PVT1: variants seen among roughly 807,000 people sequenced by gnomAD.
The protein encoded by PVT1 is Pvt1 oncogene.
intron 3 of PVT1, among the ~76,000 whole-genome samples, chr8:127,928,523 C>A (rs2129880687): frequency 6.6e-6 from 1 of 152,190 alleles, no homozygotes; most frequent in East Asian, 1.9e-4. Context: ...AAAGTGTGAC[C>A]AAATGGACCA....
At chr8:128,026,525 A>AGTG (rs1181689307) in intron 4 of PVT1, among the ~76,000 whole-genome samples, 1 of 152,076 alleles carries the variant, frequency 6.6e-6, no homozygotes, top group East Asian at 1.9e-4. Context: ...CACGTCGAGC[A>AGTG]GTGGGTAGAA....
rs553403446 is a variant in PVT1 at position 127,918,712 on chromosome 8, A to AAGAATGTG, written n.782+27716_782+27723dup. On this transcript the variant is annotated intron_variant and non_coding_transcript_variant, in intron 3 of 10. Coordinates refer to ENST00000651587, the Ensembl canonical transcript of PVT1. ...CTTTGCAGAGAAAGCCCTAGAGAGA[A>AAGAATGTG]AGAATGTGAAGGAACAAAGGGTCAG... Among the ~76,000 whole-genome samples the AAGAATGTG allele has an allele frequency of 6.0e-4, 92 of 152,306 alleles. 2 individuals carry two copies. In the East Asian group the frequency reaches 0.015, roughly 25 times the overall value.
At chr8:127,935,182 T>C (rs1360584955) in intron 3 of PVT1, among the ~76,000 whole-genome samples, 2 of 152,152 alleles carry the variant, frequency 1.3e-5, no homozygotes, top group African/African-American at 4.8e-5. Context: ...GTCAGGCTGG[T>C]CTCGAGCTCC....
intron 4 of PVT1, among the ~76,000 whole-genome samples, chr8:128,026,029 G>T (rs1391524553): frequency 6.6e-6 from 1 of 151,454 alleles, no homozygotes; most frequent in African/African-American, 2.4e-5. Flanking sequence ...TCAGCTCACT[G>T]CAACCTCCGC....
chr8:127,911,413 G>T (rs1367153468), intron 3 of PVT1, among the ~76,000 whole-genome samples: 4 of 152,226 alleles, frequency 2.6e-5, no homozygotes, highest in Non-Finnish European at 5.9e-5. Context: ...CCGGTCCCCG[G>T]CTGCCAGCTG....
At chr8:127,856,867 G>T (rs1815167064) in intron 2 of PVT1, among the ~76,000 whole-genome samples, 1 of 152,210 alleles carries the variant, frequency 6.6e-6, no homozygotes, top group African/African-American at 2.4e-5. Context: ...TGCCTGGGGT[G>T]AGGAGGGAAA....
intron 4 of PVT1, among the ~76,000 whole-genome samples, chr8:128,061,886 C>T (rs1167007534): frequency 1.3e-5 from 2 of 152,000 alleles, no homozygotes; most frequent in African/African-American, 2.4e-5. Context: ...GACTTATGCC[C>T]GATTTTTTAA....
At chr8:128,068,921 C>A (rs1813947133) in intron 4 of PVT1, among the ~76,000 whole-genome samples, 3 of 152,138 alleles carry the variant, frequency 2.0e-5, no homozygotes, top group Non-Finnish European at 4.4e-5. Context: ...ACCTTGTATC[C>A]CTATTTGGGA....
chr8:127,985,056 C>A (rs1816949127), intron 3 of PVT1, among the ~76,000 whole-genome samples: 1 of 90,508 alleles, frequency 1.1e-5, no homozygotes, highest in South Asian at 3.6e-4. Flanking sequence ...TTTTTTTTGA[C>A]AGATTCTCAC....
chr8:127,968,419 C>A (rs567417921), intron 3 of PVT1, among the ~76,000 whole-genome samples: 4 of 152,094 alleles, frequency 2.6e-5, no homozygotes, highest in Middle Eastern at 3.4e-3. Flanking sequence ...TCAAAAATAC[C>A]ATTAGGGAGA....
chr8:127,965,912 G>A (rs1231474203), intron 3 of PVT1, among the ~76,000 whole-genome samples: 1 of 152,174 alleles, frequency 6.6e-6, no homozygotes, highest in Non-Finnish European at 1.5e-5. Context: ...GGAGGTTACA[G>A]GATTTACCTT....
chr8:127,842,086 AT>A (rs1814981158), intron 2 of PVT1, among the ~76,000 whole-genome samples: 1 of 150,786 alleles, frequency 6.6e-6, no homozygotes, highest in African/African-American at 2.4e-5. Flanking sequence ...ATTTATATAT[AT>A]TTTGTTATCT....
intron 2 of PVT1, among the ~76,000 whole-genome samples, chr8:127,801,020 G>A (rs139068361): frequency 1.3e-5 from 2 of 152,272 alleles, no homozygotes; most frequent in African/African-American, 2.4e-5. Context: ...AAGGACAGGC[G>A]TTTCAGGCTC....
intron 4 of PVT1, among the ~76,000 whole-genome samples, chr8:128,026,677 A>G (rs1298481921): frequency 6.6e-6 from 1 of 152,212 alleles, no homozygotes; most frequent in Non-Finnish European, 1.5e-5. Flanking sequence ...GGCAGCACCC[A>G]GAGCTGTTCC....
intron 3 of PVT1, among the ~76,000 whole-genome samples, chr8:127,944,805 T>A (rs1816399839): frequency 6.6e-6 from 1 of 152,274 alleles, no homozygotes; most frequent in African/African-American, 2.4e-5. Flanking sequence ...GAAAGTGGTA[T>A]CGATGACTCC....
chr8:127,933,672 AGT>A (rs1165611408), intron 3 of PVT1, among the ~76,000 whole-genome samples: 1 of 152,060 alleles, frequency 6.6e-6, no homozygotes, highest in Non-Finnish European at 1.5e-5. Flanking sequence ...ACATCTGCCT[AGT>A]GTGTGGTCAC....
At chr8:128,040,957 G>A (rs544181101) in intron 4 of PVT1, among the ~76,000 whole-genome samples, 1 of 150,352 alleles carries the variant, frequency 6.7e-6, no homozygotes, top group Admixed American at 6.6e-5. Flanking sequence ...CTGCTTGGGT[G>A]TGTTTGTGTG....
At chr8:127,828,634 G>A (rs1362158296) in intron 2 of PVT1, among the ~76,000 whole-genome samples, 5 of 152,096 alleles carry the variant, frequency 3.3e-5, no homozygotes, top group East Asian at 3.9e-4. Flanking sequence ...TTCTATAAAC[G>A]TGGGGAGAGG....
chr8:127,846,217 G>T (rs114685025), intron 2 of PVT1, among the ~76,000 whole-genome samples: 6,645 of 152,308 alleles, frequency 0.044, 523 homozygotes, highest in African/African-American at 0.15. Context: ...AGAATGGAAA[G>T]AAAGAACAGG....
Sources: gnomAD v4.1 joint callset for allele counts (sites outside exome capture counted in the v4.1 genomes callset) on GRCh38, gnomAD v4.1.1 for gene constraint, MANE v1.5 for transcripts, NCBI Gene and HGNC (gene_info 2026-07-23, HGNC 2026-07-21) for gene names.